PALLD: variants seen among roughly 807,000 people sequenced by gnomAD.
PALLD encodes the protein palladin, cytoskeletal associated protein.
Under a neutral mutation model 123.5 loss-of-function variants are expected in PALLD, and 61 were observed. The observed-to-expected ratio is 0.49, with a 90% CI of 0.40 to 0.61. The LOEUF (loss-of-function observed/expected upper bound fraction) is 0.61. PALLD is among the 20% of genes least tolerant of loss of function. The pLI, the probability that PALLD is intolerant of heterozygous loss-of-function variation, is 0.00. For missense variants in PALLD, 1,273 were observed against 1,377.0 expected (o/e 0.92, Z 1.20); for synonymous variants, 465 against 496.4 (o/e 0.94, Z 0.84).
At chr4:168,680,499 A>AAC (rs1561390367) in intron 3 of PALLD, among the ~76,000 whole-genome samples, 2 of 140,776 alleles carry the variant, frequency 1.4e-5, no homozygotes, top group African/African-American at 5.3e-5. Flanking sequence ...AAAAAAAAAA[A>AAC]AAAAAAAAAA....
chr4:168,543,513 C>A (rs569839593), intron 2 of PALLD, among the ~76,000 whole-genome samples: 7 of 151,526 alleles, frequency 4.6e-5, no homozygotes, highest in African/African-American at 1.5e-4. Context: ...ACATTTCTAC[C>A]TCCATAATGG....
intron 1 of PALLD, chr4:168,504,766 G>A (rs1191590875): frequency 2.6e-5 from 4 of 152,190 alleles, no homozygotes; most frequent in Admixed American, 2.6e-4. Flanking sequence ...GCAGGGGACA[G>A]GACAATTTAA....
At chr4:168,590,327 A>G (rs1771274738) in intron 2 of PALLD, among the ~76,000 whole-genome samples, 1 of 152,224 alleles carries the variant, frequency 6.6e-6, no homozygotes, top group Admixed American at 6.5e-5. Context: ...GGGCAACAAG[A>G]GCAAAACTCC....
At chr4:168,810,086 C>T (rs955708894) in intron 10 of PALLD, among the ~76,000 whole-genome samples, 5 of 150,870 alleles carry the variant, frequency 3.3e-5, no homozygotes, top group African/African-American at 4.9e-5. Context: ...TTTGGTGTCT[C>T]GGTGGCTGCT....
chr4:168,640,544 T>C (rs1202626712), intron 2 of PALLD, among the ~76,000 whole-genome samples: 1 of 152,198 alleles, frequency 6.6e-6, no homozygotes, highest in African/African-American at 2.4e-5. Context: ...CCAGAAAGCC[T>C]TCCAAGAGGC....
At chr4:168,596,721 TAAA>T (rs56390001) in intron 2 of PALLD, among the ~76,000 whole-genome samples, 25 of 132,844 alleles carry the variant, frequency 1.9e-4, no homozygotes, top group Admixed American at 3.8e-4. Flanking sequence ...TTGGCCTTGT[TAAA>T]AAAAAAAAAA....
At chr4:168,593,220 T>C in intron 2 of PALLD, among the ~76,000 whole-genome samples, 1 of 152,082 alleles carries the variant, frequency 6.6e-6, no homozygotes, top group African/African-American at 2.4e-5. Flanking sequence ...CCCTCTCCAT[T>C]CTTCTAAACT....
At chr4:168,673,814 A>G (rs1483851178) in intron 3 of PALLD, among the ~76,000 whole-genome samples, 1 of 152,042 alleles carries the variant, frequency 6.6e-6, no homozygotes, top group African/African-American at 2.4e-5. Context: ...AACGGTGCCA[A>G]TCTCTGAAAT....
intron 10 of PALLD, among the ~76,000 whole-genome samples, chr4:168,800,748 T>G (rs1390325369): frequency 6.6e-6 from 1 of 152,182 alleles, no homozygotes; most frequent in Non-Finnish European, 1.5e-5. Flanking sequence ...CTAGCAAACT[T>G]CACTCTTGAG....
chr4:168,639,872 A>G (rs530018414), intron 2 of PALLD, among the ~76,000 whole-genome samples: 2 of 152,262 alleles, frequency 1.3e-5, no homozygotes, highest in East Asian at 1.9e-4. Context: ...TGTGGCCAGG[A>G]AGAGTTAAGT....
chr4:168,670,657 C>T (rs1378939469), intron 3 of PALLD, among the ~76,000 whole-genome samples: 2 of 146,482 alleles, frequency 1.4e-5, no homozygotes, highest in Admixed American at 6.8e-5. Context: ...TGCGTGAACC[C>T]GGGAAGCGGA....
intron 10 of PALLD, among the ~76,000 whole-genome samples, chr4:168,742,071 G>T (rs1219600466): frequency 6.6e-6 from 1 of 152,174 alleles, no homozygotes; most frequent in Admixed American, 6.5e-5. Context: ...TGCTCTTGCT[G>T]CCCAGCATCT....
chr4:168,924,767 C>A (rs1431071239), intron 19 of PALLD, among the ~76,000 whole-genome samples, 178 bp from the exon 20 acceptor site: 1 of 152,194 alleles, frequency 6.6e-6, no homozygotes, highest in Non-Finnish European at 1.5e-5. Context: ...CAACTCTTGA[C>A]GTCTGTTCTT....
rs568583318 is a variant in PALLD, at chr4:168,684,171, T to C, written c.1260+1068T>C. On this transcript the variant is annotated intron_variant, in intron 5 of 21. Transcript: ENST00000505667. ...AAATGTCACCCACCCCATTCCCAAA[T>C]GGGGTGAATGTGACAGAATGTATTT... is the stretch of plus-strand genomic sequence containing the variant. Among the ~76,000 whole-genome samples, 161 of 152,220 alleles carry C rather than the reference T, an allele frequency of 1.1e-3. 1 individual carries two copies. The highest frequency in any genetic ancestry group is 3.7e-3 in the African/African-American group (152 of 41,534).
At chr4:168,871,078 G>C (rs1022956849) in intron 10 of PALLD, among the ~76,000 whole-genome samples, 1 of 152,176 alleles carries the variant, frequency 6.6e-6, no homozygotes, top group Non-Finnish European at 1.5e-5. Context: ...TTGGGGAGTA[G>C]ATAATGGTTA....
intron 6 of PALLD, 44 bp from the exon 7 acceptor site, chr4:168,690,559 A>C: frequency 1.2e-6 from 2 of 1,613,388 alleles, no homozygotes; most frequent in African/African-American, 2.7e-5. Context: ...TTAAAAATGC[A>C]CCAAAGTCTG....
chr4:168,525,950 C>T (rs62333837), intron 2 of PALLD, among the ~76,000 whole-genome samples: 66,249 of 152,030 alleles, frequency 0.44, 15,399 homozygotes, highest in African/African-American at 0.6. Flanking sequence ...TACTGTAACA[C>T]TTATGTTGCC....
intron 10 of PALLD, among the ~76,000 whole-genome samples, chr4:168,822,847 C>T (rs1039555385): frequency 2.0e-5 from 3 of 152,120 alleles, no homozygotes; most frequent in African/African-American, 7.2e-5. Context: ...CTTCTAAAAC[C>T]TTGTGACACC....
chr4:168,881,612 G>A (rs1440760407), intron 10 of PALLD, among the ~76,000 whole-genome samples: 1 of 151,656 alleles, frequency 6.6e-6, no homozygotes, highest in East Asian at 2.0e-4. Context: ...AATTTACTGG[G>A]GTCACTGGCA....
Sources: allele counts gnomAD v4.1 joint callset (sites outside exome capture counted in the v4.1 genomes callset), GRCh38; gene constraint gnomAD v4.1.1; transcripts MANE v1.5; gene names NCBI Gene and HGNC (gene_info 2026-07-23, HGNC 2026-07-21).